Variants in ZSCAN5A observed in about 807,000 individuals in gnomAD.
The protein encoded by ZSCAN5A is zinc finger and SCAN domain containing 5A, also known as zinc finger and SCAN domain-containing protein 5A.
In ZSCAN5A, 12 loss-of-function variants were observed where a neutral mutation model predicts 23.7. That is an observed-to-expected ratio of 0.51 (90% CI 0.32 to 0.82). The LOEUF is 0.82. Ranked by LOEUF, ZSCAN5A falls within the 40% of genes least tolerant of loss-of-function variation. The probability of loss-of-function intolerance (pLI) is 0.03; values close to 1 mark genes in which losing one functional copy is unlikely to be tolerated. For synonymous variants in ZSCAN5A, 257 were observed against 239.9 expected, an observed-to-expected ratio of 1.07 and a Z score of -0.66; for missense variants, 597 against 617.9, an observed-to-expected ratio of 0.97 and a Z score of 0.36.
In ZSCAN5A at chr19:56,222,698, T is replaced by G; in HGVS notation, c.632A>C (p.Asp211Ala). ...CTGCTTGGGTCTCAGAGACTTTGGGTCACCTGTTACGTCAATACTCTTGTG... is the reference window on the plus strand; with the variant it reads ...CTGCTTGGGTCTCAGAGACTTTGGGGCACCTGTTACGTCAATACTCTTGTG... Reference protein sequence around the residue: ...LLHKSIDVTGDPKSLRPKQTL... With the variant: ...LLHKSIDVTGAPKSLRPKQTL... Residue 211 changes from aspartate to alanine, a missense_variant, in exon 5 of 6, where the codon GAC becomes GCC. This residue lies in a region of ZSCAN5A where 406 missense variants were observed against 353.2 expected (regional missense o/e 1.15). Transcript: ENST00000683990. The G allele has an allele frequency of 6.2e-7, 1 of 1,614,124 alleles. No individual in the cohort carries two copies. The highest frequency in any genetic ancestry group is 8.5e-7 in the Non-Finnish European group (1 of 1,180,028).
chr19:56,329,313 T>C (rs956039214), intron 2 of ZSCAN5A, among the ~76,000 whole-genome samples: 24 of 151,356 alleles, frequency 1.6e-4, no homozygotes, highest in African/African-American at 5.8e-4. Context: ...CGTGTCACTG[T>C]ACTCCAGCCT....
intron 2 of ZSCAN5A, among the ~76,000 whole-genome samples, chr19:56,259,127 G>A (rs1302938535): frequency 6.6e-6 from 1 of 152,140 alleles, no homozygotes; most frequent in Non-Finnish European, 1.5e-5. Flanking sequence ...GTTGTTCTGA[G>A]TCACTGAGTT....
intron 2 of ZSCAN5A, among the ~76,000 whole-genome samples, chr19:56,272,230 G>A (rs1046684415): frequency 6.6e-6 from 1 of 152,204 alleles, no homozygotes; most frequent in African/African-American, 2.4e-5. Flanking sequence ...TTGTTTGCTT[G>A]CTTTGTTGTT....
intron 2 of ZSCAN5A, among the ~76,000 whole-genome samples, chr19:56,282,776 A>G (rs2038811686): frequency 1.3e-5 from 2 of 152,212 alleles, no homozygotes; most frequent in Middle Eastern, 3.2e-3. Flanking sequence ...TAGGTCTGAG[A>G]GCTCAATTCA....
chr19:56,333,089 A>AC (rs1555812215), intron 2 of ZSCAN5A, among the ~76,000 whole-genome samples: 1 of 143,646 alleles, frequency 7.0e-6, no homozygotes, highest in African/African-American at 2.5e-5. Context: ...TGTCTTTAAG[A>AC]TTTTTTTTTT....
At chr19:56,233,218 G>A (rs1039189129) in intron 2 of ZSCAN5A, among the ~76,000 whole-genome samples, 1 of 152,066 alleles carries the variant, frequency 6.6e-6, no homozygotes, top group Non-Finnish European at 1.5e-5. Context: ...TTTCACATGT[G>A]CCTACAGGAT....
chr19:56,223,962 A>T, intron 3 of ZSCAN5A, 128 bp from the exon 4 acceptor site: 2 of 878,974 alleles, frequency 2.3e-6, no homozygotes, highest in Non-Finnish European at 3.4e-6. Flanking sequence ...CCCAATAGAG[A>T]GTCAGCTCTG....
At chr19:56,276,326 G>A (rs1407312873) in intron 2 of ZSCAN5A, among the ~76,000 whole-genome samples, 3 of 152,060 alleles carry the variant, frequency 2.0e-5, no homozygotes. Flanking sequence ...TCACTCCTTT[G>A]TCTGGGGAAG....
intron 2 of ZSCAN5A, among the ~76,000 whole-genome samples, chr19:56,362,578 T>TA (rs926541198): frequency 1.3e-5 from 2 of 148,824 alleles, no homozygotes; most frequent in African/African-American, 5.0e-5. Context: ...TAAAATAAAA[T>TA]AAAAAAGATG....
chr19:56,342,709 T>C, intron 2 of ZSCAN5A: 1 of 640,286 alleles, frequency 1.6e-6, no homozygotes, highest in Non-Finnish European at 2.9e-6. Context: ...ACATCTGTTT[T>C]TCCTCTGGAT....
At chr19:56,238,687 G>GA (rs2035180479) in intron 2 of ZSCAN5A, among the ~76,000 whole-genome samples, 1 of 151,984 alleles carries the variant, frequency 6.6e-6, no homozygotes, top group Non-Finnish European at 1.5e-5. Flanking sequence ...ATCTCTACAA[G>GA]AAAAACTATA....
intron 2 of ZSCAN5A, among the ~76,000 whole-genome samples, chr19:56,293,848 C>A (rs2039683602): frequency 6.6e-6 from 1 of 151,780 alleles, no homozygotes; most frequent in East Asian, 1.9e-4. Context: ...ACACCCCACC[C>A]CCACAACAAA....
intron 2 of ZSCAN5A, among the ~76,000 whole-genome samples, chr19:56,287,268 A>C (rs2039197430): frequency 6.6e-6 from 1 of 152,230 alleles, no homozygotes; most frequent in African/African-American, 2.4e-5. Flanking sequence ...TCCCCCAAGA[A>C]ATGTGTTGTG....
intron 2 of ZSCAN5A, chr19:56,321,843 G>A: frequency 1.1e-6 from 1 of 880,802 alleles, no homozygotes; most frequent in Non-Finnish European, 2.0e-6. Context: ...ATAGGCAATG[G>A]AGCTGATAAA....
chr19:56,270,793 G>C (rs1036291801), intron 2 of ZSCAN5A, among the ~76,000 whole-genome samples: 5 of 152,146 alleles, frequency 3.3e-5, no homozygotes, highest in Admixed American at 1.3e-4. Flanking sequence ...AGGTGCTACT[G>C]TGTAATTGAT....
intron 2 of ZSCAN5A, among the ~76,000 whole-genome samples, chr19:56,333,856 A>AAT (rs149429244): frequency 0.028 from 4,217 of 150,210 alleles, 185 homozygotes; most frequent in African/African-American, 0.092. Flanking sequence ...GAAAAAGAAA[A>AAT]ATATATATAT....
chr19:56,238,679 C>G (rs1289643438), intron 2 of ZSCAN5A, among the ~76,000 whole-genome samples: 1 of 151,968 alleles, frequency 6.6e-6, no homozygotes, highest in Non-Finnish European at 1.5e-5. Flanking sequence ...GGTAGGAGAT[C>G]TCTACAAGAA....
intron 2 of ZSCAN5A, among the ~76,000 whole-genome samples, chr19:56,248,131 C>T (rs1207322419): frequency 4.1e-5 from 6 of 147,160 alleles, no homozygotes; most frequent in Non-Finnish European, 6.0e-5. Flanking sequence ...ATACACAATG[C>T]CTGGGGAAAT....
chr19:56,223,956 AT>A, intron 3 of ZSCAN5A, 122 bp from the exon 4 acceptor site: 1 of 917,732 alleles, frequency 1.1e-6, no homozygotes, highest in South Asian at 1.7e-5. Context: ...TGCCTTCCCA[AT>A]AGAGAGTCAG....
Sources: allele counts gnomAD v4.1 joint callset (sites outside exome capture counted in the v4.1 genomes callset), GRCh38; gene constraint gnomAD v4.1.1; regional missense constraint gnomAD v4.1.1; transcripts MANE v1.5; gene names NCBI Gene and HGNC (gene_info 2026-07-23, HGNC 2026-07-21).